SGCD: variants seen among roughly 807,000 people sequenced by gnomAD.
The protein encoded by SGCD is delta-sarcoglycan.
Under a neutral mutation model 36.6 loss-of-function variants are expected in SGCD, and 18 were observed. The observed-to-expected ratio is 0.49, with a 90% CI of 0.34 to 0.73. The LOEUF is 0.73. Ranked by LOEUF, SGCD falls within the 30% of genes least tolerant of loss-of-function variation. SGCD has a pLI of 0.01. For synonymous variants in SGCD, 133 were observed against 130.6 expected (o/e 1.02, Z -0.12); for missense variants, 387 against 346.7 (o/e 1.12, Z -0.92).
At chr5:155,989,534 C>T (rs1758392290) in intron 1 of SGCD, among the ~76,000 whole-genome samples, 1 of 152,026 alleles carries the variant, frequency 6.6e-6, no homozygotes, top group South Asian at 2.1e-4. Flanking sequence ...CGCTCTCTCA[C>T]CTCTCAAATC....
At chr5:155,996,697 T>C (rs1758551807) in intron 1 of SGCD, among the ~76,000 whole-genome samples, 1 of 150,916 alleles carries the variant, frequency 6.6e-6, no homozygotes, top group African/African-American at 2.4e-5. Flanking sequence ...AAGAATCACT[T>C]GAACCTGGGA....
intron 3 of SGCD, among the ~76,000 whole-genome samples, chr5:156,242,847 G>A (rs931457429): frequency 1.4e-4 from 22 of 152,194 alleles, no homozygotes; most frequent in Non-Finnish European, 3.2e-4. Flanking sequence ...TCAGGTGGCG[G>A]TGATTCTGCA....
chr5:155,827,154 C>T, the SGCD span, among the ~76,000 whole-genome samples: 224 of 152,246 alleles, frequency 1.5e-3, no homozygotes, highest in Middle Eastern at 0.01. Flanking sequence ...CCCTACATGC[C>T]TTCCACAGCT....
intron 2 of SGCD, among the ~76,000 whole-genome samples, chr5:156,341,767 A>G (rs1200854362): frequency 1.3e-5 from 2 of 152,076 alleles, no homozygotes; most frequent in African/African-American, 4.8e-5. Flanking sequence ...CTGGAGTGCA[A>G]TGGTGCAATC....
At chr5:155,865,083 C>CATAGATAG in the SGCD span, among the ~76,000 whole-genome samples, 24,005 of 143,898 alleles carry the variant, frequency 0.17, 2,113 homozygotes, top group South Asian at 0.18. Flanking sequence ...TATACATAGC[C>CATAGATAG]ATAGATAGAT....
intron 1 of SGCD, among the ~76,000 whole-genome samples, chr5:155,996,648 CAT>C (rs1360939555): frequency 6.6e-6 from 1 of 151,594 alleles, no homozygotes; most frequent in East Asian, 1.9e-4. Flanking sequence ...CATGGTGGTG[CAT>C]AGTCTGTGAT....
At chr5:155,738,387 A>T in the SGCD span, among the ~76,000 whole-genome samples, 14 of 152,170 alleles carry the variant, frequency 9.2e-5, no homozygotes, top group Non-Finnish European at 1.8e-4. Flanking sequence ...CCTCCCAAAG[A>T]TATAGGTGGA....
chr5:156,647,663 G>A, intron 7 of SGCD, 127 bp downstream of exon 7: 1 of 676,054 alleles, frequency 1.5e-6, no homozygotes, highest in Admixed American at 2.5e-5. Flanking sequence ...AGAGGTTGGA[G>A]AGAACCAGAA....
At chr5:156,682,025 G>A (rs1392647908) in intron 7 of SGCD, among the ~76,000 whole-genome samples, 1 of 152,188 alleles carries the variant, frequency 6.6e-6, no homozygotes. Flanking sequence ...CTCAGCCACT[G>A]GATTTAATGA....
chr5:155,829,451 C>T, the SGCD span, among the ~76,000 whole-genome samples: 6 of 152,176 alleles, frequency 3.9e-5, no homozygotes, highest in African/African-American at 1.4e-4. Flanking sequence ...ATGCTCTTCT[C>T]TCATCTCAAA....
At chr5:156,454,184 T>G (rs991264322) in intron 3 of SGCD, among the ~76,000 whole-genome samples, 4 of 152,216 alleles carry the variant, frequency 2.6e-5, no homozygotes, top group Non-Finnish European at 5.9e-5. Flanking sequence ...ATGTTCTGTT[T>G]TGTTTCTCAA....
chr5:156,201,662 T>A (rs1764153021), intron 3 of SGCD, among the ~76,000 whole-genome samples: 1 of 151,706 alleles, frequency 6.6e-6, no homozygotes, highest in Non-Finnish European at 1.5e-5. Context: ...AAAATCAAAT[T>A]AAAATCGAAT....
intron 3 of SGCD, among the ~76,000 whole-genome samples, chr5:156,467,758 T>G (rs1042235741): frequency 6.6e-6 from 1 of 152,212 alleles, no homozygotes; most frequent in African/African-American, 2.4e-5. Flanking sequence ...CAAAGAACTA[T>G]GAGGCCCTAA....
At chr5:156,198,540 G>A (rs1764073772) in intron 3 of SGCD, among the ~76,000 whole-genome samples, 1 of 152,028 alleles carries the variant, frequency 6.6e-6, no homozygotes, top group African/African-American at 2.4e-5. Context: ...AGTTGGACTG[G>A]GATTTGTATT....
chr5:156,087,726 T>G (rs1470082910), intron 1 of SGCD, among the ~76,000 whole-genome samples: 1 of 152,132 alleles, frequency 6.6e-6, no homozygotes, highest in Non-Finnish European at 1.5e-5. Flanking sequence ...TTATCAGAGA[T>G]GTATACTGTC....
chr5:155,775,997 A>G, the SGCD span, among the ~76,000 whole-genome samples: 1 of 152,196 alleles, frequency 6.6e-6, no homozygotes, highest in South Asian at 2.1e-4. Flanking sequence ...TATTCAAAAA[A>G]GTGAAAACTT....
chr5:156,214,526 T>C (rs1384901579), intron 3 of SGCD, among the ~76,000 whole-genome samples: 6 of 152,052 alleles, frequency 3.9e-5, no homozygotes, highest in African/African-American at 1.4e-4. Flanking sequence ...AATGTTCATA[T>C]TACACAAGTG....
At chr5:156,339,678 C>T (rs932638777) in intron 2 of SGCD, among the ~76,000 whole-genome samples, 4 of 152,050 alleles carry the variant, frequency 2.6e-5, no homozygotes, top group African/African-American at 9.7e-5. Flanking sequence ...TGTGCAATAG[C>T]ATTATATCTA....
chr5:156,237,790 A>G (rs1294079633), intron 3 of SGCD, among the ~76,000 whole-genome samples: 1 of 152,198 alleles, frequency 6.6e-6, no homozygotes, highest in East Asian at 1.9e-4. Context: ...GTTAACATTC[A>G]TTCGGTAAAT....
Sources: gnomAD v4.1 joint callset for allele counts (sites outside exome capture counted in the v4.1 genomes callset) on GRCh38, gnomAD v4.1.1 for gene constraint, MANE v1.5 for transcripts, NCBI Gene and HGNC (gene_info 2026-07-23, HGNC 2026-07-21) for gene names.